Variants in TBX15 observed in about 807,000 individuals in gnomAD.
The protein encoded by TBX15 is T-box transcription factor TBX15.
In TBX15, 18 loss-of-function variants were observed where a neutral mutation model predicts 53.9. The ratio of observed to expected loss-of-function variants is 0.33; its 90% CI spans 0.23 to 0.49. TBX15 has a LOEUF of 0.49. TBX15 is among the 20% of genes least tolerant of loss of function. The pLI is 0.98. For missense variants in TBX15, 692 were observed against 749.5 expected (o/e 0.92, Z 0.90); for synonymous variants, 295 against 278.0 (o/e 1.06, Z -0.61).
At chr1:118,893,140 G>A in intron 7 of TBX15, among the ~76,000 whole-genome samples, 1 of 151,756 alleles carries the variant, frequency 6.6e-6, no homozygotes, top group Non-Finnish European at 1.5e-5. Context: ...TCAGGAGGCT[G>A]AGGCAGGAGA....
chr1:118,886,244 C>G (rs539340088), intron 7 of TBX15, among the ~76,000 whole-genome samples: 60 of 152,276 alleles, frequency 3.9e-4, no homozygotes, highest in Non-Finnish European at 2.8e-4. Flanking sequence ...AGGATCATGT[C>G]CATTCTCAGA....
chr1:118,926,689 GT>G (rs1021253039), intron 2 of TBX15, 78 bp from the exon 3 acceptor site: 8 of 1,239,090 alleles, frequency 6.5e-6, no homozygotes, highest in South Asian at 5.0e-5. Flanking sequence ...AACAATGTGG[GT>G]TTTTTTGTTT....
intron 7 of TBX15, among the ~76,000 whole-genome samples, chr1:118,890,513 G>C (rs1654102547): frequency 6.6e-6 from 1 of 152,116 alleles, no homozygotes; most frequent in African/African-American, 2.4e-5. Flanking sequence ...AATATGAGGT[G>C]ACACACATGA....
intron 1 of TBX15, among the ~76,000 whole-genome samples, chr1:118,935,935 T>G (rs191218735): frequency 6.6e-6 from 1 of 152,300 alleles, no homozygotes; most frequent in Non-Finnish European, 1.5e-5. Flanking sequence ...AACTAACATG[T>G]ACTAGAATGC....
At chr1:118,918,507 C>CTAT (rs1655320209) in intron 5 of TBX15, among the ~76,000 whole-genome samples, 1 of 152,126 alleles carries the variant, frequency 6.6e-6, no homozygotes, top group South Asian at 2.1e-4. Flanking sequence ...AGAACAAGGT[C>CTAT]TATTAGTAAT....
In TBX15 at chr1:118,885,218, C is replaced by T. The variant is rs1250074424; in HGVS notation, c.1323G>A (p.Gln441=). 6.2e-7 allele frequency: 1 copy of T among 1,614,062 alleles called. No individual in the cohort carries two copies. Among genetic ancestry groups the T allele is most frequent in the African/African-American group, 1.3e-5 (1 of 74,930 alleles). The change falls in exon 8 of 8, where the codon CAG becomes CAA. Residue 441 remains glutamine (Q), a synonymous_variant. Transcript: ENST00000369429. Reference sequence around the variant, plus strand: ...TTCCTGAGATCAGGGATGGAGTCCTCTGAGGCATGAAGGTTTCAGAGGGCT... The same window carrying T: ...TTCCTGAGATCAGGGATGGAGTCCTTTGAGGCATGAAGGTTTCAGAGGGCT... The part of the protein sequence containing the change: ...ATQPSETFMP[Q]RTPSLISGIP...
At chr1:118,938,971 C>T (rs12065157) in intron 1 of TBX15, among the ~76,000 whole-genome samples, 27,059 of 152,048 alleles carry the variant, frequency 0.18, 3,119 homozygotes, top group East Asian at 0.54. Context: ...TGGCATCAAC[C>T]CAGGTGCCTA....
intron 6 of TBX15, among the ~76,000 whole-genome samples, chr1:118,903,723 A>T (rs1248963975): frequency 6.6e-6 from 1 of 152,204 alleles, no homozygotes; most frequent in Non-Finnish European, 1.5e-5. Flanking sequence ...ACCAGAAAAA[A>T]ATACTTATAA....
In TBX15 at chr1:118,911,515, G is replaced by A. The variant is rs116786356; in HGVS notation, c.926+2600C>T. On this transcript the variant is annotated intron_variant, in intron 6 of 7. Transcript: ENST00000369429. ...CCAGCCTTCAGGCCAGTAGAGGAAC[G>A]AGGGCCTCAGCACTTGAACTGAGAT... Among the ~76,000 whole-genome samples, 486 of 152,284 alleles carry A rather than the reference G, an allele frequency of 3.2e-3. 3 individuals are homozygous for A. The highest frequency in any genetic ancestry group is 0.011 in the African/African-American group (461 of 41,572).
At chr1:118,917,850 T>C (rs144621283) in intron 5 of TBX15, among the ~76,000 whole-genome samples, 7 of 152,296 alleles carry the variant, frequency 4.6e-5, no homozygotes, top group Non-Finnish European at 7.4e-5. Context: ...CCAAATTCCT[T>C]GTCTAGCTTT....
intron 6 of TBX15, among the ~76,000 whole-genome samples, chr1:118,909,730 G>A (rs763448859): frequency 2.0e-5 from 3 of 152,088 alleles, no homozygotes; most frequent in Admixed American, 1.3e-4. Flanking sequence ...TTACAGGCAC[G>A]CGCCACCATG....
At chr1:118,937,326 C>T (rs912826798) in intron 1 of TBX15, among the ~76,000 whole-genome samples, 2 of 152,124 alleles carry the variant, frequency 1.3e-5, no homozygotes, top group African/African-American at 4.8e-5. Context: ...ACATATTGAA[C>T]ATTTACTATG....
intron 3 of TBX15, 62 bp downstream of exon 3, chr1:118,926,448 T>C (rs1371740408): frequency 2.1e-6 from 3 of 1,428,146 alleles, no homozygotes; most frequent in Non-Finnish European, 3.0e-6. Flanking sequence ...TCTAAGGAGT[T>C]TGAAGAATTG....
intron 1 of TBX15, among the ~76,000 whole-genome samples, chr1:118,936,021 C>G (rs1655955167): frequency 6.6e-6 from 1 of 152,194 alleles, no homozygotes. Flanking sequence ...AAACAGCTGG[C>G]AACTCTGTAA....
At chr1:118,964,154 T>C (rs950303472) in intron 1 of TBX15, among the ~76,000 whole-genome samples, 2 of 152,246 alleles carry the variant, frequency 1.3e-5, no homozygotes, top group African/African-American at 4.8e-5. Flanking sequence ...CAGAAACTGA[T>C]AACTGAAACA....
intron 1 of TBX15, among the ~76,000 whole-genome samples, chr1:118,949,384 T>A (rs1656443776): frequency 2.6e-5 from 4 of 152,246 alleles, no homozygotes; most frequent in Admixed American, 2.6e-4. Context: ...AATAAGGTCA[T>A]CATGTTAGCA....
At chr1:118,946,880 G>A (rs1656362871) in intron 1 of TBX15, among the ~76,000 whole-genome samples, 1 of 152,186 alleles carries the variant, frequency 6.6e-6, no homozygotes, top group Non-Finnish European at 1.5e-5. Flanking sequence ...TGGTCTTGCT[G>A]CTTTTACTCT....
At chr1:118,972,379 G>GCACCAA (rs1341307149) in intron 1 of TBX15, among the ~76,000 whole-genome samples, 2 of 152,128 alleles carry the variant, frequency 1.3e-5, no homozygotes. Context: ...TGGTGCTCAA[G>GCACCAA]ATAGATCTTG....
chr1:118,887,072 CT>C (rs1653968442), intron 7 of TBX15, among the ~76,000 whole-genome samples: 1 of 152,226 alleles, frequency 6.6e-6, no homozygotes, highest in Non-Finnish European at 1.5e-5. Context: ...TGCCTCCTGT[CT>C]CATCCAATGG....
Sources: allele counts gnomAD v4.1 joint callset (sites outside exome capture counted in the v4.1 genomes callset), GRCh38; gene constraint gnomAD v4.1.1; transcripts MANE v1.5; gene names NCBI Gene and HGNC (gene_info 2026-07-23, HGNC 2026-07-21).